The following TCF20 variants were observed in gnomAD, a reference collection of about 807,000 sequenced individuals.
TCF20 encodes the protein SPRE-binding protein.
A neutral mutation model predicts 148.6 loss-of-function variants in TCF20; 3 were observed. The observed-to-expected ratio is 0.02, with a 90% CI of 0.01 to 0.05. The LOEUF is 0.05. Ranked by LOEUF, TCF20 falls within the 10% of genes least tolerant of loss-of-function variation. The probability of loss-of-function intolerance (pLI) is 1.00; values close to 1 mark genes in which losing one functional copy is unlikely to be tolerated. For synonymous variants in TCF20, 1,049 were observed against 909.5 expected (o/e 1.15, Z -2.76); for missense variants, 2,350 against 2,429.3 (o/e 0.97, Z 0.69).
intron 1 of TCF20, among the ~76,000 whole-genome samples, chr22:42,240,619 G>A (rs888349438): frequency 4.6e-5 from 7 of 152,084 alleles, no homozygotes; most frequent in African/African-American, 1.2e-4. Flanking sequence ...CAAGACCTGG[G>A]GGCATTTGTT....
At position 42,212,033 on chromosome 22, in the gene TCF20, T is replaced by C; in HGVS notation, c.3273A>G (p.Gln1091=). The change falls in exon 2 of 6, where the codon CAA becomes CAG. Residue 1091 remains glutamine (Q), a synonymous_variant. Transcript: ENST00000677622. The part of the protein sequence containing the change: ...SQLHYKRQMY[Q]QQPEEYKDWS... ...AGTCTTTATACTCCTCTGGTTGCTG[T>C]TGGTACATCTGTCTCTTATAATGCA... 1 of 1,614,178 alleles carries C rather than the reference T, an allele frequency of 6.2e-7. No individual in the cohort carries two copies. Among genetic ancestry groups the C allele is most frequent in the Non-Finnish European group, 8.5e-7 (1 of 1,180,030 alleles).
At chr22:42,269,137 A>G (rs1235987600) in intron 1 of TCF20, among the ~76,000 whole-genome samples, 1 of 151,936 alleles carries the variant, frequency 6.6e-6, no homozygotes, top group Admixed American at 6.6e-5. Flanking sequence ...TTCCCCATCC[A>G]CCTAACTGCC....
chr22:42,268,712 TTC>T (rs1483064433), intron 1 of TCF20, among the ~76,000 whole-genome samples: 18 of 152,250 alleles, frequency 1.2e-4, no homozygotes, highest in African/African-American at 4.1e-4. Context: ...CTGAAACATT[TTC>T]TGATAACTTC....
At chr22:42,306,398 G>C (rs896135195) in intron 1 of TCF20, among the ~76,000 whole-genome samples, 42 of 152,210 alleles carry the variant, frequency 2.8e-4, no homozygotes, top group Admixed American at 2.0e-3. Context: ...CAATGTGGGT[G>C]GGGGGTGCTG....
intron 2 of TCF20, among the ~76,000 whole-genome samples, chr22:42,185,395 T>C (rs2147111198): frequency 6.6e-6 from 1 of 152,318 alleles, no homozygotes; most frequent in East Asian, 1.9e-4. Context: ...ATGGAATGAA[T>C]GCAATGTCTG....
intron 1 of TCF20, among the ~76,000 whole-genome samples, chr22:42,318,527 GAA>G (rs1927675839): frequency 6.6e-6 from 1 of 152,150 alleles, no homozygotes; most frequent in Admixed American, 6.5e-5. Context: ...TCATTAAGAC[GAA>G]GAACAGAGGC....
intron 1 of TCF20, among the ~76,000 whole-genome samples, chr22:42,236,247 TCAAA>T (rs201280300): frequency 0.017 from 2,604 of 152,010 alleles, 84 homozygotes; most frequent in African/African-American, 0.059. Flanking sequence ...AAAGAGGTTA[TCAAA>T]CAAACAAAAT....
chr22:42,262,032 G>A lies in TCF20; in HGVS notation c.-37+8307C>T, dbSNP rs941753141. 5.9e-5 allele frequency among the ~76,000 whole-genome samples: 9 copies of A among 152,066 alleles called. No individual in the cohort carries two copies. The South Asian group carries it at 6.2e-4, about 11-fold the overall frequency. Reference sequence around the variant, plus strand: ...GTGGGAAAGAGCTTGCTACCTTCTGGGGCCTAAAAAAAAGTGAATGTGACT... The same window carrying A: ...GTGGGAAAGAGCTTGCTACCTTCTGAGGCCTAAAAAAAAGTGAATGTGACT... On this transcript the variant is annotated intron_variant, in intron 1 of 5. Coordinates refer to ENST00000677622, the MANE Select transcript of TCF20 (RefSeq NM_001378418.1).
upstream of TCF20, among the ~76,000 whole-genome samples, chr22:42,284,715 G>GCTCTT (rs1306557563): frequency 6.6e-6 from 1 of 152,204 alleles, no homozygotes; most frequent in East Asian, 1.9e-4. Context: ...CACAGCAAGA[G>GCTCTT]GAGGCCTGGC....
chr22:42,247,015 G>A (rs1355178897), intron 1 of TCF20, among the ~76,000 whole-genome samples: 1 of 146,870 alleles, frequency 6.8e-6, no homozygotes, highest in East Asian at 2.0e-4. Flanking sequence ...ATAATAAAAA[G>A]CAAAAAGCAA....
At chr22:42,256,653 C>CA (rs1022362957) in intron 1 of TCF20, among the ~76,000 whole-genome samples, 10 of 151,062 alleles carry the variant, frequency 6.6e-5, no homozygotes, top group African/African-American at 1.9e-4. Flanking sequence ...ACTAGAAAAA[C>CA]AAAAAACAAA....
intron 1 of TCF20, among the ~76,000 whole-genome samples, chr22:42,232,257 C>A (rs1226300374): frequency 1.3e-5 from 2 of 152,096 alleles, no homozygotes; most frequent in Non-Finnish European, 2.9e-5. Flanking sequence ...ATAGGCTATA[C>A]CACATAGCCT....
intron 1 of TCF20, among the ~76,000 whole-genome samples, chr22:42,248,940 C>G (rs1925138532): frequency 6.6e-6 from 1 of 152,180 alleles, no homozygotes; most frequent in African/African-American, 2.4e-5. Flanking sequence ...TGGTAAAGCA[C>G]TGTGTTGTGT....
rs147861863 is a variant in TCF20 at position 42,186,363 on chromosome 22, A to G, written c.5656-6661T>C. 6.5e-4 allele frequency among the ~76,000 whole-genome samples: 99 copies of G among 152,358 alleles called. 1 individual carries two copies. The East Asian group carries it at 0.017, about 27-fold the overall frequency. On this transcript the variant is annotated intron_variant, in intron 2 of 5. Transcript: ENST00000677622. ...CTTCTGCCTAAAGCTGCTGTGTAAAATAACCATAAAAGTGTTTTACAAACT... is the reference window on the plus strand; with the variant it reads ...CTTCTGCCTAAAGCTGCTGTGTAAAGTAACCATAAAAGTGTTTTACAAACT...
intron 1 of TCF20, among the ~76,000 whole-genome samples, chr22:42,225,284 A>G (rs1209784778): frequency 2.6e-5 from 4 of 152,030 alleles, no homozygotes; most frequent in African/African-American, 7.2e-5. Flanking sequence ...GGTGAGCCAC[A>G]GTGCTCAGCC....
chr22:42,301,629 G>A (rs1036048744), intron 1 of TCF20, among the ~76,000 whole-genome samples: 4 of 152,228 alleles, frequency 2.6e-5, no homozygotes, highest in South Asian at 2.1e-4. Flanking sequence ...GCTCCCTGGC[G>A]TAGCTCCAGG....
chr22:42,302,404 G>A (rs1407030304), intron 1 of TCF20, among the ~76,000 whole-genome samples: 1 of 152,156 alleles, frequency 6.6e-6, no homozygotes, highest in African/African-American at 2.4e-5. Flanking sequence ...AGGCAGCCTT[G>A]GTGGGGGAGG....
chr22:42,169,131 G>A (rs1425867736), intron 4 of TCF20, among the ~76,000 whole-genome samples: 1 of 150,674 alleles, frequency 6.6e-6, no homozygotes, highest in Non-Finnish European at 1.5e-5. Context: ...GTGACCACCA[G>A]GTGTCAGTGT....
chr22:42,223,777 A>T (rs1490023419), intron 1 of TCF20, among the ~76,000 whole-genome samples: 4 of 152,184 alleles, frequency 2.6e-5, no homozygotes, highest in Non-Finnish European at 5.9e-5. Context: ...TGTTTTGTGT[A>T]TGTGCAAATG....
Sources: allele counts gnomAD v4.1 joint callset (sites outside exome capture counted in the v4.1 genomes callset), GRCh38; gene constraint gnomAD v4.1.1; transcripts MANE v1.5; gene names NCBI Gene and HGNC (gene_info 2026-07-23, HGNC 2026-07-21).